TSPAN19: variants seen among roughly 807,000 people sequenced by gnomAD.
TSPAN19 encodes the protein tetraspanin-19.
A neutral mutation model predicts 35.1 loss-of-function variants in TSPAN19; 44 were observed. The ratio of observed to expected loss-of-function variants is 1.25; its 90% confidence interval spans 0.98 to 1.61. The LOEUF is 1.61. Ranked by LOEUF, TSPAN19 falls within the 40% of genes most tolerant of loss-of-function variation. The probability of loss-of-function intolerance (pLI) is 0.00; values close to 1 mark genes in which losing one functional copy is unlikely to be tolerated. For missense variants in TSPAN19, 290 were observed against 280.0 expected (o/e 1.04, Z -0.26); for synonymous variants, 79 against 92.0 (o/e 0.86, Z 0.81).
chr12:85,014,438 A>T lies in TSPAN19; in HGVS notation c.*49T>A, dbSNP rs1565762616. 7.4e-7 allele frequency: 1 copy of T among 1,357,152 alleles called. No homozygotes were observed. 84.1% of individuals were successfully genotyped at this position (1,357,152 alleles called of 1,614,324 possible). On this transcript the variant is annotated 3_prime_UTR_variant, in exon 9 of 9. Coordinates refer to ENST00000532498, the MANE Select transcript of TSPAN19 (RefSeq NM_001100917.2). ...TTTTGGAATAAAATAATATAATGTGATTTTTTAAGAATTAACTGGTTTCTT... is the reference window on the plus strand; with the variant it reads ...TTTTGGAATAAAATAATATAATGTGTTTTTTTAAGAATTAACTGGTTTCTT...
intron 5 of TSPAN19, among the ~76,000 whole-genome samples, chr12:85,019,992 C>T (rs1166543350): frequency 1.3e-5 from 2 of 151,814 alleles, no homozygotes; most frequent in Non-Finnish European, 2.9e-5. Context: ...ATGTGCTATT[C>T]TCATGCATAT....
chr12:85,022,010 C>G (rs1264506419), intron 5 of TSPAN19, among the ~76,000 whole-genome samples: 1 of 152,038 alleles, frequency 6.6e-6, no homozygotes, highest in East Asian at 1.9e-4. Flanking sequence ...TAGAGAGATA[C>G]AGGAGTGTGT....
intron 5 of TSPAN19, among the ~76,000 whole-genome samples, chr12:85,020,141 G>A (rs1223636727): frequency 6.6e-6 from 1 of 151,492 alleles, no homozygotes; most frequent in African/African-American, 2.4e-5. Flanking sequence ...ATTCTGTGGG[G>A]GTTTGTACTG....
Position 85,017,444 on chromosome 12 carries a change from A to C in TSPAN19, c.594+12T>G, listed in dbSNP as rs1565764190. 1 of 1,602,700 alleles carries C rather than the reference A, an allele frequency of 6.2e-7. No homozygotes were observed. Among genetic ancestry groups the C allele is most frequent in the Non-Finnish European group, 8.5e-7 (1 of 1,174,414 alleles). The stretch of plus-strand genomic sequence containing the variant: ...ACTATAAATACTTGTAGAAGCCTAG[A>C]TTTATCTTTACCTCAAGGTAAGTTG... On this transcript the variant is annotated intron_variant, in intron 7 of 8. Coordinates refer to ENST00000532498, the MANE Select transcript of TSPAN19 (RefSeq NM_001100917.2).
chr12:85,029,306 T>C (rs1267489618), intron 3 of TSPAN19, among the ~76,000 whole-genome samples: 1 of 152,164 alleles, frequency 6.6e-6, no homozygotes, highest in Non-Finnish European at 1.5e-5. Flanking sequence ...TTTTAAATTT[T>C]CTTTTTAAAG....
chr12:85,014,820 G>A lies in TSPAN19; in HGVS notation c.679-265C>T, dbSNP rs373076961. The A allele has an allele frequency of 1.9e-5, 5 of 257,910 alleles. No homozygotes were observed. The East Asian group carries it at 2.9e-4, about 15-fold the overall frequency. The allele number at this position is 257,910 out of a possible 1,614,324, so 16.0% of individuals were successfully genotyped here. A position where few individuals can be genotyped will look rare whatever the true frequency, so the allele number is the denominator to read the frequency against. On this transcript the variant is annotated intron_variant, in intron 8 of 8. Transcript: ENST00000532498. ...GGTTTTAATTACATTAGCTATCACT[G>A]AGCTACATGCCTGGACAAACTGCTG...
intron 4 of TSPAN19, among the ~76,000 whole-genome samples, chr12:85,026,771 T>C (rs755678920): frequency 3.3e-5 from 5 of 151,998 alleles, no homozygotes; most frequent in Admixed American, 6.6e-5. Flanking sequence ...ACTAGATGAA[T>C]AGCAGCCCTA....
intron 4 of TSPAN19, among the ~76,000 whole-genome samples, chr12:85,027,566 AC>A (rs1877474987): frequency 6.6e-6 from 1 of 152,004 alleles, no homozygotes; most frequent in Non-Finnish European, 1.5e-5. Context: ...TTCCTCATTG[AC>A]TTGAATACAC....
intron 6 of TSPAN19, among the ~76,000 whole-genome samples, chr12:85,017,804 C>A (rs1876900738): frequency 6.6e-6 from 1 of 151,756 alleles, no homozygotes; most frequent in Admixed American, 6.6e-5. Context: ...AGATAAAGAT[C>A]TCTGCTCACA....
intron 1 of TSPAN19, among the ~76,000 whole-genome samples, chr12:85,034,086 G>A (rs1470051723): frequency 6.6e-6 from 1 of 152,100 alleles, no homozygotes; most frequent in Admixed American, 6.6e-5. Flanking sequence ...CACAAAGAGA[G>A]TTAGAGAATC....
Position 85,028,309 on chromosome 12 carries a change from T to A in TSPAN19, c.140-286A>T. ...CCTTGTCTTCTATGATAGAATAAAT[T>A]TTTTTCTAAGATTTCATCTATGTCC... On this transcript the variant is annotated intron_variant, in intron 3 of 8. Coordinates refer to ENST00000532498, the MANE Select transcript of TSPAN19 (RefSeq NM_001100917.2). 1.3e-5 allele frequency among the ~76,000 whole-genome samples: 2 copies of A among 152,172 alleles called. 1 individual carries two copies. The highest frequency in any genetic ancestry group is 2.9e-5 in the Non-Finnish European group (2 of 68,022).
At chr12:85,028,139 G>T in intron 3 of TSPAN19, 116 bp from the exon 4 acceptor site, 1 of 779,044 alleles carries the variant, frequency 1.3e-6, no homozygotes, top group Non-Finnish European at 1.9e-6. Flanking sequence ...AGCAGCTGTT[G>T]CCAAACCACT....
intron 5 of TSPAN19, among the ~76,000 whole-genome samples, chr12:85,021,410 A>G (rs1183708182): frequency 6.6e-6 from 1 of 152,050 alleles, no homozygotes; most frequent in Non-Finnish European, 1.5e-5. Context: ...AATAATGAAA[A>G]GGAGATTTTA....
chr12:85,028,149 T>C (rs1271395724), intron 3 of TSPAN19, 126 bp from the exon 4 acceptor site: 6 of 693,584 alleles, frequency 8.7e-6, no homozygotes, highest in East Asian at 3.3e-5. Context: ...GCCAAACCAC[T>C]AGGATTCTCT....
chr12:85,023,544 A>G (rs1045598667), intron 4 of TSPAN19, 144 bp from the exon 5 acceptor site: 5 of 574,822 alleles, frequency 8.7e-6, no homozygotes, highest in African/African-American at 1.9e-5. Context: ...CTTCACAAAT[A>G]TGAATGAAAT....
chr12:85,030,068 A>G (rs891317298), intron 1 of TSPAN19, 95 bp from the exon 2 acceptor site: 1 of 1,016,930 alleles, frequency 9.8e-7, no homozygotes, highest in Non-Finnish European at 1.3e-6. Flanking sequence ...TTTCTTCTCA[A>G]ATCAATTATC....
rs758634998 is a variant in TSPAN19, at chr12:85,023,335, C to A, written c.330G>T (p.Lys110Asn). ...QVVLSAFIITKKEEVQQLWHD... is the reference protein window; with the variant it reads ...QVVLSAFIITNKEEVQQLWHD... ...GATTTACTTTCCATACCTCCTCTTT[C>A]TTTGTGATGATGAATGCTGAAAGTA... is the stretch of plus-strand genomic sequence containing the variant. Residue 110 changes from lysine to asparagine, a missense_variant, in exon 5 of 9, where the codon AAG (lysine) becomes AAT (asparagine). Physicochemically the swap from Lys to Asn is moderately conservative, Grantham distance 94 (BLOSUM62 0). Coordinates refer to ENST00000532498, the MANE Select transcript of TSPAN19 (RefSeq NM_001100917.2). 5 of 1,581,982 alleles carry A rather than the reference C, an allele frequency of 3.2e-6. No individual in the cohort carries two copies. The East Asian group carries it at 9.1e-5, about 29-fold the overall frequency.
At chr12:85,023,463 T>C (rs1176303568) in intron 4 of TSPAN19, 63 bp from the exon 5 acceptor site, 2 of 1,314,782 alleles carry the variant, frequency 1.5e-6, no homozygotes, top group African/African-American at 2.9e-5. Context: ...TATGCTCAAA[T>C]AATGGGAAAA....
chr12:85,033,881 A>C (rs1877793350), intron 1 of TSPAN19, among the ~76,000 whole-genome samples: 2 of 152,196 alleles, frequency 1.3e-5, no homozygotes, highest in Admixed American at 6.6e-5. Flanking sequence ...CTCTTAGCCC[A>C]GTGCCTGGCT....
Sources: allele counts gnomAD v4.1 joint callset (sites outside exome capture counted in the v4.1 genomes callset), GRCh38; gene constraint gnomAD v4.1.1; transcripts MANE v1.5; gene names NCBI Gene and HGNC (gene_info 2026-07-23, HGNC 2026-07-21).